The following ATP6V1C2 variants were observed in gnomAD, a reference collection of about 807,000 sequenced individuals.
ATP6V1C2 encodes the protein ATPase H+ transporting V1 subunit C2, also known as V-type proton ATPase subunit C 2.
A neutral mutation model predicts 56.8 loss-of-function variants in ATP6V1C2; 45 were observed. The ratio of observed to expected loss-of-function variants is 0.79; its 90% CI spans 0.62 to 1.02. ATP6V1C2 has a LOEUF of 1.02. Among genes scored for constraint, ATP6V1C2 ranks in the 50% least tolerant of loss-of-function variants. The probability of loss-of-function intolerance (pLI) is 0.00; values close to 1 mark genes in which losing one functional copy is unlikely to be tolerated. For synonymous variants in ATP6V1C2, 220 were observed against 201.3 expected, an observed-to-expected ratio of 1.09 and a Z score of -0.79; for missense variants, 463 against 519.7, an observed-to-expected ratio of 0.89 and a Z score of 1.06.
At chr2:10,781,218 G>T (rs1665329602) in intron 12 of ATP6V1C2, among the ~76,000 whole-genome samples, 1 of 152,170 alleles carries the variant, frequency 6.6e-6, no homozygotes, top group Non-Finnish European at 1.5e-5. Flanking sequence ...ACAGAGGCAG[G>T]CCTCTCCCTC....
chr2:10,739,285 AAAAT>A (rs143835779), intron 3 of ATP6V1C2, among the ~76,000 whole-genome samples: 31,462 of 151,632 alleles, frequency 0.21, 3,498 homozygotes, highest in Middle Eastern at 0.3. Flanking sequence ...CTCCGTCTCA[AAAAT>A]AAATAAATAA....
chr2:10,757,079 C>T (rs1358270833), intron 4 of ATP6V1C2, among the ~76,000 whole-genome samples: 1 of 133,502 alleles, frequency 7.5e-6, no homozygotes, highest in Non-Finnish European at 1.5e-5. Flanking sequence ...GTGGCGCGAT[C>T]TCAGCTCACC....
chr2:10,781,154 G>C (rs1419236699), intron 12 of ATP6V1C2, among the ~76,000 whole-genome samples: 1 of 152,128 alleles, frequency 6.6e-6, no homozygotes, highest in African/African-American at 2.4e-5. Flanking sequence ...TTAAGGGCTG[G>C]AGCGTATGTC....
intron 4 of ATP6V1C2, among the ~76,000 whole-genome samples, chr2:10,754,735 G>C (rs1663430997): frequency 6.6e-6 from 1 of 151,950 alleles, no homozygotes; most frequent in Non-Finnish European, 1.5e-5. Flanking sequence ...ACCACACCTA[G>C]CTAATTTTGT....
chr2:10,737,105 GTTGC>G (rs201623817), intron 3 of ATP6V1C2, among the ~76,000 whole-genome samples: 3,098 of 151,716 alleles, frequency 0.02, 99 homozygotes, highest in African/African-American at 0.071. Context: ...TTCTAATTCT[GTTGC>G]TTTGTTAGAA....
intron 5 of ATP6V1C2, among the ~76,000 whole-genome samples, chr2:10,765,006 G>T (rs1368971018): frequency 4.6e-5 from 7 of 151,862 alleles, no homozygotes; most frequent in Non-Finnish European, 7.4e-5. Flanking sequence ...GATGGTGAAG[G>T]CAGCTCCCTC....
intron 12 of ATP6V1C2, among the ~76,000 whole-genome samples, chr2:10,779,418 T>TA (rs757677176): frequency 0.029 from 3,421 of 116,322 alleles, 77 homozygotes; most frequent in Middle Eastern, 0.079. Flanking sequence ...CTTTGCCTAA[T>TA]AAAAAAAAAA....
chr2:10,782,511 C>A, intron 13 of ATP6V1C2, 136 bp downstream of exon 13: 1 of 1,004,574 alleles, frequency 1.0e-6, no homozygotes, highest in South Asian at 1.7e-5. Flanking sequence ...ACCAGCCTAG[C>A]CAACATGGTA....
At chr2:10,757,623 C>T (rs1380868354) in intron 4 of ATP6V1C2, among the ~76,000 whole-genome samples, 1 of 152,142 alleles carries the variant, frequency 6.6e-6, no homozygotes, top group Non-Finnish European at 1.5e-5. Flanking sequence ...AGATAACCAC[C>T]ATCTCATCCC....
chr2:10,768,784 C>G lies in ATP6V1C2; in HGVS notation c.444C>G (p.Asn148Lys), dbSNP rs749430009. The G allele has an allele frequency of 7.4e-6, 12 of 1,613,946 alleles. No individual in the cohort carries two copies. The highest frequency in any genetic ancestry group is 9.3e-6 in the Non-Finnish European group (11 of 1,180,012). ...CCGCCTACAACACTCTGAAGACAAA[C>G]CTGGAGAACCTGGAAAAGAAATCCA... is the stretch of plus-strand genomic sequence containing the variant. ...RTAAYNTLKT[N>K]LENLEKKSMG... Residue 148 changes from asparagine (N) to lysine (K), a missense_variant, in exon 6 of 14, where the codon AAC becomes AAG. Asn to Lys is a moderately conservative substitution (Grantham distance 94, BLOSUM62 0). Transcript: ENST00000272238.
At chr2:10,778,857 G>A (rs981704051) in intron 12 of ATP6V1C2, among the ~76,000 whole-genome samples, 188 bp downstream of exon 12, 2 of 152,190 alleles carry the variant, frequency 1.3e-5, no homozygotes, top group African/African-American at 4.8e-5. Context: ...GTCCCCTGCT[G>A]TCTGCTCCCT....
At position 10,783,508 on chromosome 2, in the gene ATP6V1C2, G is replaced by T; in HGVS notation, c.*245G>T. On this transcript the variant is annotated 3_prime_UTR_variant, in exon 14 of 14. Transcript: ENST00000272238. Reference sequence around the variant, plus strand: ...TGTTTTACATAAATGCGAACTACCTGTTCGCATTGGTAACCTGCTGCTGTA... The same window carrying T: ...TGTTTTACATAAATGCGAACTACCTTTTCGCATTGGTAACCTGCTGCTGTA... The T allele has an allele frequency of 2.6e-6, 1 of 385,282 alleles. No homozygotes were observed. Among genetic ancestry groups the T allele is most frequent in the South Asian group, 2.9e-5 (1 of 34,642 alleles). The allele number at this position is 385,282 out of a possible 1,614,324, so 23.9% of individuals were successfully genotyped here. A position where few individuals can be genotyped will look rare whatever the true frequency, so the allele number is the denominator to read the frequency against.
At chr2:10,751,479 C>T (rs868372878) in intron 3 of ATP6V1C2, among the ~76,000 whole-genome samples, 2 of 152,174 alleles carry the variant, frequency 1.3e-5, no homozygotes, top group African/African-American at 4.8e-5. Context: ...AGTTAGGTAA[C>T]TTACCTGAGG....
chr2:10,729,346 T>C (rs1661833508), intron 3 of ATP6V1C2, among the ~76,000 whole-genome samples: 1 of 151,936 alleles, frequency 6.6e-6, no homozygotes, highest in Admixed American at 6.6e-5. Context: ...GTATTTTTAG[T>C]AGAGACGGTG....
intron 3 of ATP6V1C2, among the ~76,000 whole-genome samples, chr2:10,731,639 C>T (rs574139277): frequency 5.3e-5 from 8 of 152,266 alleles, no homozygotes; most frequent in East Asian, 1.9e-4. Context: ...AGTGACAAAC[C>T]GCAGAAGGAG....
At chr2:10,729,122 T>C (rs975481672) in intron 3 of ATP6V1C2, among the ~76,000 whole-genome samples, 1 of 150,978 alleles carries the variant, frequency 6.6e-6, no homozygotes, top group African/African-American at 2.4e-5. Context: ...AGCAAGACTT[T>C]GTCTCAAAAA....
intron 12 of ATP6V1C2, among the ~76,000 whole-genome samples, chr2:10,779,329 G>T (rs1665198221): frequency 6.7e-6 from 1 of 149,196 alleles, no homozygotes; most frequent in African/African-American, 2.5e-5. Flanking sequence ...ATGGTCTTGA[G>T]CTCCTCCTAA....
intron 13 of ATP6V1C2, among the ~76,000 whole-genome samples, 196 bp from the exon 14 acceptor site, chr2:10,782,978 A>G (rs980865039): frequency 2.6e-5 from 4 of 152,126 alleles, no homozygotes; most frequent in Non-Finnish European, 5.9e-5. Flanking sequence ...AAACAAAGCA[A>G]AACTATCTGT....
intron 3 of ATP6V1C2, among the ~76,000 whole-genome samples, chr2:10,753,685 C>G (rs1323067106): frequency 2.6e-5 from 4 of 152,046 alleles, no homozygotes; most frequent in Non-Finnish European, 4.4e-5. Context: ...CGCCCACCAC[C>G]ATGCCTGGCT....
Sources: allele counts gnomAD v4.1 joint callset (sites outside exome capture counted in the v4.1 genomes callset), GRCh38; gene constraint gnomAD v4.1.1; transcripts MANE v1.5; gene names NCBI Gene and HGNC (gene_info 2026-07-23, HGNC 2026-07-21).